The following HECW2 variants were observed in gnomAD, a reference collection of about 807,000 sequenced individuals.
HECW2 encodes the protein E3 ubiquitin-protein ligase HECW2.
A neutral mutation model predicts 175.2 loss-of-function variants in HECW2; 61 were observed. That is an observed-to-expected ratio of 0.35 (90% CI 0.28 to 0.43). The LOEUF (loss-of-function observed/expected upper bound fraction) is 0.43, where lower values mean the gene tolerates loss of function less well. Among genes scored for constraint, HECW2 ranks in the 20% least tolerant of loss-of-function variants. The pLI, the probability that HECW2 is intolerant of heterozygous loss-of-function variation, is 1.00. For missense variants in HECW2, 1,524 were observed against 2,000.5 expected, an observed-to-expected ratio of 0.76 and a Z score of 4.54; for synonymous variants, 671 against 731.0, an observed-to-expected ratio of 0.92 and a Z score of 1.32.
chr2:196,566,608 T>C (rs1690197750), intron 1 of HECW2, among the ~76,000 whole-genome samples: 1 of 151,002 alleles, frequency 6.6e-6, no homozygotes, highest in South Asian at 2.1e-4. Context: ...CTTGGCTCAC[T>C]GCAACCTCTG....
intron 1 of HECW2, among the ~76,000 whole-genome samples, chr2:196,527,605 C>G (rs1046987471): frequency 2.0e-5 from 3 of 152,216 alleles, no homozygotes; most frequent in African/African-American, 7.2e-5. Flanking sequence ...AGAAAACCTT[C>G]CTGGAGTGTC....
At chr2:196,418,329 T>C (rs1479413950) in intron 2 of HECW2, among the ~76,000 whole-genome samples, 3 of 152,046 alleles carry the variant, frequency 2.0e-5, no homozygotes, top group African/African-American at 7.2e-5. Flanking sequence ...GGGGTTTCAC[T>C]GTGTTAGCCA....
intron 18 of HECW2, among the ~76,000 whole-genome samples, chr2:196,256,210 T>A (rs1689050188): frequency 6.6e-6 from 1 of 152,212 alleles, no homozygotes; most frequent in East Asian, 1.9e-4. Context: ...ACACATGTGA[T>A]CACCCACATG....
intron 1 of HECW2, among the ~76,000 whole-genome samples, chr2:196,572,042 A>T (rs147780960): frequency 1.8e-3 from 270 of 152,342 alleles, no homozygotes; most frequent in Middle Eastern, 6.8e-3. Flanking sequence ...AATGACAAAT[A>T]CTGTATGAGT....
At chr2:196,269,897 C>T (rs1452953076) in intron 17 of HECW2, among the ~76,000 whole-genome samples, 2 of 152,138 alleles carry the variant, frequency 1.3e-5, no homozygotes, top group African/African-American at 4.8e-5. Context: ...AGGCTCTACC[C>T]CAGACCTCTT....
At chr2:196,341,851 A>G (rs1692763668) in intron 3 of HECW2, among the ~76,000 whole-genome samples, 1 of 152,244 alleles carries the variant, frequency 6.6e-6, no homozygotes. Flanking sequence ...TCATGCCTTT[A>G]ATGGCAATTC....
intron 1 of HECW2, among the ~76,000 whole-genome samples, chr2:196,461,559 A>T (rs10185720): frequency 0.02 from 3,044 of 152,318 alleles, 87 homozygotes; most frequent in African/African-American, 0.07. Flanking sequence ...TTACACTGCT[A>T]TCAAGAACTG....
chr2:196,585,911 G>A (rs1422301542), intron 1 of HECW2, among the ~76,000 whole-genome samples: 2 of 152,154 alleles, frequency 1.3e-5, no homozygotes, highest in African/African-American at 4.8e-5. Flanking sequence ...CCAACTGTCA[G>A]AGAAATCTGA....
At chr2:196,578,657 T>G (rs1690649843) in intron 1 of HECW2, among the ~76,000 whole-genome samples, 3 of 152,172 alleles carry the variant, frequency 2.0e-5, no homozygotes. Flanking sequence ...AAATAACAGT[T>G]GATTTCTCAT....
intron 17 of HECW2, among the ~76,000 whole-genome samples, chr2:196,265,464 T>A (rs1406046047): frequency 1.3e-5 from 2 of 152,070 alleles, no homozygotes; most frequent in Non-Finnish European, 2.9e-5. Context: ...CCAGCCTGGG[T>A]GACAGAGTGA....
chr2:196,446,650 A>G (rs1231881576), intron 1 of HECW2, among the ~76,000 whole-genome samples: 1 of 152,244 alleles, frequency 6.6e-6, no homozygotes, highest in African/African-American at 2.4e-5. Context: ...AATGGTTGTA[A>G]GCAGATGTTG....
chr2:196,206,495 G>A (rs988609961), intron 28 of HECW2, among the ~76,000 whole-genome samples: 2 of 152,148 alleles, frequency 1.3e-5, no homozygotes, highest in African/African-American at 2.4e-5. Flanking sequence ...AGATTGGTTT[G>A]TTGATTAATT....
At chr2:196,403,128 G>C (rs1003230646) in intron 2 of HECW2, among the ~76,000 whole-genome samples, 1 of 152,072 alleles carries the variant, frequency 6.6e-6, no homozygotes, top group South Asian at 2.1e-4. Flanking sequence ...TTATTCTTCT[G>C]TCATTCTTTC....
At chr2:196,238,167 TGCAGTGA>T (rs1688320414) in intron 21 of HECW2, among the ~76,000 whole-genome samples, 1 of 152,168 alleles carries the variant, frequency 6.6e-6, no homozygotes, top group Non-Finnish European at 1.5e-5. Context: ...AGGCGGAGGC[TGCAGTGA>T]GCCAAGATCA....
intron 28 of HECW2, among the ~76,000 whole-genome samples, chr2:196,206,513 C>G (rs1460221323): frequency 6.6e-6 from 1 of 152,190 alleles, no homozygotes; most frequent in Non-Finnish European, 1.5e-5. Context: ...ATTTCTCTCT[C>G]TGTATGTGAA....
Position 196,404,703 on chromosome 2 carries a change from C to T in HECW2, c.292+28429G>A, listed in dbSNP as rs144716251. 2.8e-3 allele frequency among the ~76,000 whole-genome samples: 421 copies of T among 152,146 alleles called. 1 individual carries two copies. The highest frequency in any genetic ancestry group is 0.015 in the South Asian group (70 of 4,812). On this transcript the variant is annotated intron_variant, in intron 2 of 28. Transcript: ENST00000644978. ...CTTCCATCTCAAGCTCTCCAATCCA[C>T]TTTTTCTCCATTAATCACCCCCAGT...
intron 21 of HECW2, among the ~76,000 whole-genome samples, chr2:196,235,378 G>T: frequency 6.6e-6 from 1 of 152,068 alleles, no homozygotes; most frequent in South Asian, 2.1e-4. Flanking sequence ...GGGATTACAG[G>T]TGTGAGCCAC....
chr2:196,491,682 G>A (rs1227112069), intron 1 of HECW2, among the ~76,000 whole-genome samples: 2 of 151,772 alleles, frequency 1.3e-5, no homozygotes, highest in Non-Finnish European at 2.9e-5. Context: ...AGAGCTTTGT[G>A]TCTTTAAGGA....
At chr2:196,552,196 C>G (rs1455173294) in intron 1 of HECW2, among the ~76,000 whole-genome samples, 1 of 152,108 alleles carries the variant, frequency 6.6e-6, no homozygotes, top group East Asian at 1.9e-4. Context: ...ATGAGAGTAC[C>G]AGGGAGAGAT....
Sources: allele counts gnomAD v4.1 joint callset (sites outside exome capture counted in the v4.1 genomes callset), GRCh38; gene constraint gnomAD v4.1.1; transcripts MANE v1.5; gene names NCBI Gene and HGNC (gene_info 2026-07-23, HGNC 2026-07-21).